GRM5: variants seen among roughly 807,000 people sequenced by gnomAD.
GRM5 encodes the protein metabotropic glutamate receptor 5.
A neutral mutation model predicts 83.1 loss-of-function variants in GRM5; 19 were observed. The observed-to-expected ratio is 0.23, with a 90% CI of 0.16 to 0.34. The LOEUF (loss-of-function observed/expected upper bound fraction) is 0.34. Ranked by LOEUF, GRM5 falls within the 10% of genes least tolerant of loss-of-function variation. The pLI, the probability that GRM5 is intolerant of heterozygous loss-of-function variation, is 1.00. For synonymous variants in GRM5, 675 were observed against 633.6 expected (o/e 1.07, Z -0.98); for missense variants, 1,160 against 1,588.3 (o/e 0.73, Z 4.58).
intron 2 of GRM5, among the ~76,000 whole-genome samples, chr11:88,883,399 C>G (rs1565275823): frequency 6.6e-6 from 1 of 152,128 alleles, no homozygotes; most frequent in Non-Finnish European, 1.5e-5. Flanking sequence ...TGCAAAAAGA[C>G]TGTGGGCATT....
intron 2 of GRM5, among the ~76,000 whole-genome samples, chr11:88,871,616 T>C (rs895143453): frequency 6.6e-6 from 1 of 151,454 alleles, no homozygotes; most frequent in Non-Finnish European, 1.5e-5. Flanking sequence ...GGAATGCAAA[T>C]TCTAGTATAT....
intron 3 of GRM5, among the ~76,000 whole-genome samples, chr11:88,832,015 G>A (rs1296181758): frequency 6.6e-6 from 1 of 152,180 alleles, no homozygotes; most frequent in Non-Finnish European, 1.5e-5. Flanking sequence ...CTCAGTGGAT[G>A]TTCCTGTCTC....
intron 3 of GRM5, among the ~76,000 whole-genome samples, chr11:88,751,349 A>G (rs1942270317): frequency 2.0e-5 from 3 of 152,188 alleles, no homozygotes; most frequent in Non-Finnish European, 2.9e-5. Context: ...AAACTAGAAA[A>G]TCTAGAAGAA....
chr11:88,656,552 C>A (rs1166595996), intron 3 of GRM5, among the ~76,000 whole-genome samples: 5 of 152,106 alleles, frequency 3.3e-5, no homozygotes, highest in Admixed American at 1.3e-4. Flanking sequence ...TTTCAGTTTT[C>A]ATACTACAAA....
intron 3 of GRM5, among the ~76,000 whole-genome samples, chr11:88,734,758 T>C (rs903698588): frequency 4.6e-5 from 7 of 152,074 alleles, no homozygotes; most frequent in Non-Finnish European, 1.0e-4. Context: ...CTTCAAAATA[T>C]AACACTTGGT....
At chr11:88,980,303 A>G (rs1939481141) in intron 2 of GRM5, among the ~76,000 whole-genome samples, 1 of 152,180 alleles carries the variant, frequency 6.6e-6, no homozygotes, top group Non-Finnish European at 1.5e-5. Flanking sequence ...CAAAAAATAA[A>G]TTATATCTAG....
intron 3 of GRM5, among the ~76,000 whole-genome samples, chr11:88,687,020 C>CAT (rs1940644014): frequency 6.6e-6 from 1 of 151,990 alleles, no homozygotes; most frequent in South Asian, 2.1e-4. Flanking sequence ...TTTCCCAAGC[C>CAT]CTGACTACTC....
At chr11:88,922,337 A>C (rs1945707555) in intron 2 of GRM5, among the ~76,000 whole-genome samples, 1 of 152,122 alleles carries the variant, frequency 6.6e-6, no homozygotes, top group Non-Finnish European at 1.5e-5. Context: ...TATACTACAG[A>C]GCTATAATAA....
At chr11:88,955,210 A>G (rs754083873) in intron 2 of GRM5, among the ~76,000 whole-genome samples, 1 of 152,222 alleles carries the variant, frequency 6.6e-6, no homozygotes, top group Non-Finnish European at 1.5e-5. Flanking sequence ...TACTGTTATC[A>G]TTCTTCAAGA....
intron 4 of GRM5, chr11:88,612,947 T>G (rs191394938): frequency 7.9e-5 from 12 of 152,326 alleles, no homozygotes; most frequent in African/African-American, 2.9e-4. Flanking sequence ...TAATTTCATT[T>G]TTTTATCCCA....
Position 88,506,189 on chromosome 11 carries a change from A to G in GRM5, c.*2403T>C, listed in dbSNP as rs1466245482. The G allele has an allele frequency of 6.6e-6, 1 of 152,186 alleles. No individual in the cohort carries two copies. The highest frequency in any genetic ancestry group is 1.5e-5 in the Non-Finnish European group (1 of 68,028). 9.4% of individuals were successfully genotyped at this position (152,186 alleles called of 1,614,324 possible). On this transcript the variant is annotated 3_prime_UTR_variant, in exon 10 of 10. Coordinates refer to ENST00000305447, the MANE Select transcript of GRM5 (RefSeq NM_001143831.3). ...TTACTTGCATTAAATTTAATTTCTG[A>G]TGAAGTTTTTTATAAGGTAGTGTGC...
At chr11:88,752,207 T>C (rs929413382) in intron 3 of GRM5, among the ~76,000 whole-genome samples, 3 of 152,266 alleles carry the variant, frequency 2.0e-5, no homozygotes, top group Non-Finnish European at 1.5e-5. Flanking sequence ...GACAACCCCA[T>C]AGTCTCAGCA....
chr11:88,603,531 CA>C (rs1938057955), intron 5 of GRM5, among the ~76,000 whole-genome samples: 2 of 151,924 alleles, frequency 1.3e-5, no homozygotes, highest in African/African-American at 4.8e-5. Flanking sequence ...TTTTTTCCTT[CA>C]TGGATATACG....
intron 3 of GRM5, among the ~76,000 whole-genome samples, chr11:88,817,757 C>T (rs746872711): frequency 2.7e-4 from 41 of 151,910 alleles, no homozygotes; most frequent in Non-Finnish European, 5.3e-4. Context: ...TTTTCTGTTT[C>T]CTACAAAAAT....
intron 2 of GRM5, among the ~76,000 whole-genome samples, chr11:89,013,158 T>C (rs948514999): frequency 2.0e-5 from 3 of 152,224 alleles, no homozygotes; most frequent in Non-Finnish European, 4.4e-5. Flanking sequence ...GTCGTGTTGC[T>C]ACATGTAAGA....
intron 9 of GRM5, among the ~76,000 whole-genome samples, chr11:88,516,618 G>C (rs1941527258): frequency 6.6e-6 from 1 of 152,116 alleles, no homozygotes; most frequent in Non-Finnish European, 1.5e-5. Flanking sequence ...ATGTACGAAG[G>C]GGATGTTAGT....
intron 3 of GRM5, among the ~76,000 whole-genome samples, chr11:88,741,332 C>T (rs1942024091): frequency 6.6e-6 from 1 of 151,924 alleles, no homozygotes; most frequent in Admixed American, 6.6e-5. Flanking sequence ...CAATAGGGCA[C>T]CTGCTTCGGT....
At chr11:88,630,539 A>G (rs148339347) in intron 4 of GRM5, among the ~76,000 whole-genome samples, 543 of 8,260 alleles carry the variant, frequency 0.066, 2 homozygotes, top group African/African-American at 0.12. Flanking sequence ...CTAATGTAAT[A>G]CACACACACA....
chr11:88,679,846 A>G (rs1940432122), intron 3 of GRM5, among the ~76,000 whole-genome samples: 2 of 152,190 alleles, frequency 1.3e-5, no homozygotes, highest in Admixed American at 1.3e-4. Context: ...TCGATTTTAA[A>G]TAAGGCACCA....
Sources: gnomAD v4.1 joint callset for allele counts (sites outside exome capture counted in the v4.1 genomes callset) on GRCh38, gnomAD v4.1.1 for gene constraint, MANE v1.5 for transcripts, NCBI Gene and HGNC (gene_info 2026-07-23, HGNC 2026-07-21) for gene names.